Variants in PGAP3 observed in about 807,000 individuals in gnomAD.
The protein encoded by PGAP3 is post-GPI attachment to proteins phospholipase 3.
PGAP3 carries 31 observed loss-of-function variants against 40.3 expected under a neutral mutation model. The observed-to-expected ratio is 0.77, with a 90% CI of 0.58 to 1.04. The LOEUF is 1.04. PGAP3 is among the 50% of genes least tolerant of loss of function. The probability of loss-of-function intolerance (pLI) is 0.00; values close to 1 mark genes in which losing one functional copy is unlikely to be tolerated. For synonymous variants in PGAP3, 191 were observed against 184.5 expected (o/e 1.04, Z -0.29); for missense variants, 413 against 423.0 (o/e 0.98, Z 0.21).
At chr17:39,686,086 G>A in intron 1 of PGAP3, 67 bp from the exon 2 acceptor site, 2 of 1,424,054 alleles carry the variant, frequency 1.4e-6, no homozygotes, top group Non-Finnish European at 9.8e-7. Flanking sequence ...CATGAATGGG[G>A]TCCAAGCGCA....
Position 39,679,973 on chromosome 17 carries a change from G to A in PGAP3, c.432+4624C>T, listed in dbSNP as rs187513169. ...TGGCAGACTTCCCCAGTTAGAGGAC[G>A]CGGTCTCCCCACCTCACGACTCCCA... On this transcript the variant is annotated intron_variant, in intron 3 of 7. Coordinates refer to ENST00000300658, the MANE Select transcript of PGAP3 (RefSeq NM_033419.5). Among the ~76,000 whole-genome samples, 84 of 152,254 alleles carry A rather than the reference G, an allele frequency of 5.5e-4. 1 individual carries two copies. Among genetic ancestry groups the A allele is most frequent in the African/African-American group, 8.9e-4 (37 of 41,542 alleles).
intron 5 of PGAP3, 95 bp from the exon 6 acceptor site, chr17:39,673,745 C>T: frequency 6.6e-7 from 1 of 1,519,682 alleles, no homozygotes. Context: ...TGGTGCATGG[C>T]CCCTGAAGTC....
intron 6 of PGAP3, 37 bp downstream of exon 6, chr17:39,673,477 C>T: frequency 1.2e-6 from 2 of 1,613,056 alleles, no homozygotes; most frequent in South Asian, 1.1e-5. Flanking sequence ...CCCAAGCTAG[C>T]ACTTCTGCAG....
At chr17:39,687,021 A>C (rs774695878) in intron 1 of PGAP3, among the ~76,000 whole-genome samples, 29 of 152,188 alleles carry the variant, frequency 1.9e-4, no homozygotes, top group Non-Finnish European at 1.6e-4. Flanking sequence ...CGTATTGGTC[A>C]CTACTCCTGT....
At chr17:39,676,320 C>T (rs574037947) in intron 3 of PGAP3, among the ~76,000 whole-genome samples, 26 of 152,214 alleles carry the variant, frequency 1.7e-4, no homozygotes, top group Middle Eastern at 3.4e-3. Flanking sequence ...AAGAGGAAGG[C>T]GGCAGGGACT....
chr17:39,678,615 G>C (rs1208408215), intron 3 of PGAP3, among the ~76,000 whole-genome samples: 1 of 152,194 alleles, frequency 6.6e-6, no homozygotes, highest in African/African-American at 2.4e-5. Flanking sequence ...TTAGCCCGGA[G>C]CGGGTGAGGG....
intron 6 of PGAP3, 41 bp from the exon 7 acceptor site, chr17:39,673,296 T>C (rs762902873): frequency 6.4e-7 from 1 of 1,555,804 alleles, no homozygotes; most frequent in South Asian, 1.2e-5. Flanking sequence ...TTCCTTCGGC[T>C]CCTTCTCCCC....
intron 3 of PGAP3, among the ~76,000 whole-genome samples, chr17:39,683,051 G>A (rs1263786005): frequency 6.6e-6 from 1 of 151,900 alleles, no homozygotes; most frequent in Non-Finnish European, 1.5e-5. Flanking sequence ...ACTCCAGCTG[G>A]GGCAACAGAG....
At chr17:39,673,762 C>G in intron 5 of PGAP3, 112 bp from the exon 6 acceptor site, 1 of 1,432,844 alleles carries the variant, frequency 7.0e-7, no homozygotes, top group East Asian at 2.4e-5. Context: ...AGTCACTACC[C>G]CTCTCCCCAC....
chr17:39,684,558 G>A lies in PGAP3; in HGVS notation c.432+39C>T, dbSNP rs568870138. On this transcript the variant is annotated intron_variant, in intron 3 of 7. Coordinates refer to ENST00000300658, the MANE Select transcript of PGAP3 (RefSeq NM_033419.5). ...AGGGATGTAGAGCTCCACCTTCCTA[G>A]ATAAGAGGAGACAGCAGGAGTCCTG... is the stretch of plus-strand genomic sequence containing the variant. The A allele has an allele frequency of 3.8e-6, 6 of 1,572,930 alleles. No individual in the cohort carries two copies. In the South Asian group the frequency reaches 7.0e-5, roughly 18 times the overall value.
Position 39,674,686 on chromosome 17 carries a change from A to AG in PGAP3, c.433-8dup, listed in dbSNP as rs2057353659. The AG allele has an allele frequency of 6.4e-7, 1 of 1,550,486 alleles. No homozygotes were observed. ...ACCATGCATTGAGGGACACCTAAGG[A>AG]GGGAGGGGCTGGTGAGCATGCTGCC... On this transcript the variant is annotated splice_polypyrimidine_tract_variant and splice_region_variant and intron_variant, in intron 3 of 7. Coordinates refer to ENST00000300658, the MANE Select transcript of PGAP3 (RefSeq NM_033419.5).
chr17:39,680,536 C>T (rs957883203), intron 3 of PGAP3, among the ~76,000 whole-genome samples: 1 of 152,178 alleles, frequency 6.6e-6, no homozygotes, highest in East Asian at 1.9e-4. Flanking sequence ...CTTCGCAGCA[C>T]GCCCCATCTA....
chr17:39,673,690 C>G, intron 5 of PGAP3, 40 bp from the exon 6 acceptor site: 1 of 1,609,228 alleles, frequency 6.2e-7, no homozygotes, highest in South Asian at 1.1e-5. Context: ...GCAGGTGGCC[C>G]ATCCCCAGAG....
intron 3 of PGAP3, among the ~76,000 whole-genome samples, chr17:39,682,510 A>G (rs984999103): frequency 1.3e-5 from 2 of 152,190 alleles, no homozygotes; most frequent in Non-Finnish European, 2.9e-5. Context: ...GATGCCTGGC[A>G]TACAGTATGA....
chr17:39,681,209 A>C (rs1477493332), intron 3 of PGAP3, among the ~76,000 whole-genome samples: 3 of 152,126 alleles, frequency 2.0e-5, no homozygotes. Context: ...GTCATCCCTT[A>C]CTGCTCTTTC....
In PGAP3 at chr17:39,673,171, A is replaced by G. The variant is rs1248974263; in HGVS notation, c.779T>C (p.Val260Ala). 1.9e-6 allele frequency: 3 copies of G among 1,586,454 alleles called. No individual in the cohort carries two copies. The highest frequency in any genetic ancestry group is 2.6e-6 in the Non-Finnish European group (3 of 1,167,016). The change falls in exon 7 of 8, where the codon GTC (valine) becomes GCC (alanine). Residue 260 changes from valine (V) to alanine (A), a missense_variant. Coordinates refer to ENST00000300658, the MANE Select transcript of PGAP3 (RefSeq NM_033419.5). ...CAGGGACAGCCCCTGCAGCAGCAAG[A>G]CCACCACCACGCACTTGCGCACGTG... Reference protein sequence around the residue: ...LPHVRKCVVVVLLLQGLSLLE... With the variant: ...LPHVRKCVVVALLLQGLSLLE...
At chr17:39,676,751 C>T (rs1461122479) in intron 3 of PGAP3, 1 of 152,364 alleles carries the variant, frequency 6.6e-6, no homozygotes, top group Non-Finnish European at 1.5e-5. Flanking sequence ...CCTCAGTTTT[C>T]TCATCTGCAA....
chr17:39,687,314 C>T (rs1217470518), intron 1 of PGAP3, among the ~76,000 whole-genome samples: 2 of 152,170 alleles, frequency 1.3e-5, no homozygotes, highest in Non-Finnish European at 2.9e-5. Flanking sequence ...ATTGTGACAC[C>T]TGTCACACAG....
At chr17:39,673,884 G>A (rs1269148392) in intron 5 of PGAP3, 109 bp downstream of exon 5, 1 of 1,358,852 alleles carries the variant, frequency 7.4e-7, no homozygotes, top group East Asian at 2.5e-5. Context: ...GGGGTTGGGG[G>A]GCGTAGGTGT....
Sources: allele counts gnomAD v4.1 joint callset (sites outside exome capture counted in the v4.1 genomes callset), GRCh38; gene constraint gnomAD v4.1.1; transcripts MANE v1.5; gene names NCBI Gene and HGNC (gene_info 2026-07-23, HGNC 2026-07-21).